The following FAM107B variants were observed in gnomAD, a reference collection of about 807,000 sequenced individuals.
The protein encoded by FAM107B is family with sequence similarity 107 member B, also known as protein FAM107B.
Under a neutral mutation model 31.5 loss-of-function variants are expected in FAM107B, and 21 were observed. The ratio of observed to expected loss-of-function variants is 0.67; its 90% CI spans 0.47 to 0.96. The LOEUF is 0.96. Among genes scored for constraint, FAM107B ranks in the 40% least tolerant of loss-of-function variants. FAM107B has a pLI of 0.00. For missense variants in FAM107B, 452 were observed against 377.1 expected, an observed-to-expected ratio of 1.20 and a Z score of -1.64; for synonymous variants, 157 against 141.5, an observed-to-expected ratio of 1.11 and a Z score of -0.78.
chr10:14,735,598 T>C (rs1856281088), intron 1 of FAM107B, among the ~76,000 whole-genome samples: 1 of 152,202 alleles, frequency 6.6e-6, no homozygotes. Context: ...TGCTTTAGAA[T>C]GACTCTAGGA....
chr10:14,548,994 T>C (rs1052378203), intron 2 of FAM107B, among the ~76,000 whole-genome samples: 1 of 152,128 alleles, frequency 6.6e-6, no homozygotes, highest in Non-Finnish European at 1.5e-5. Flanking sequence ...AGTGTCCTTA[T>C]AAGAAGAGGA....
At chr10:14,684,692 G>A (rs1854930036) in intron 1 of FAM107B, among the ~76,000 whole-genome samples, 1 of 152,128 alleles carries the variant, frequency 6.6e-6, no homozygotes, top group Non-Finnish European at 1.5e-5. Flanking sequence ...TCAAAACTGA[G>A]ACACACTTTT....
intron 2 of FAM107B, among the ~76,000 whole-genome samples, chr10:14,546,208 G>A (rs1212574164): frequency 6.6e-6 from 1 of 152,194 alleles, no homozygotes; most frequent in East Asian, 1.9e-4. Context: ...AAATGACTAA[G>A]TTAAGAGAGT....
intron 2 of FAM107B, chr10:14,654,021 G>C (rs918678150): frequency 6.6e-6 from 1 of 151,594 alleles, no homozygotes; most frequent in Admixed American, 6.6e-5. Context: ...TTCTTCTAAC[G>C]TCATAAGCCT....
At chr10:14,721,554 G>A (rs1382529193) in intron 1 of FAM107B, among the ~76,000 whole-genome samples, 1 of 152,118 alleles carries the variant, frequency 6.6e-6, no homozygotes, top group African/African-American at 2.4e-5. Context: ...GGTGTGAGAT[G>A]GTATCTCATT....
intron 2 of FAM107B, among the ~76,000 whole-genome samples, chr10:14,588,100 G>A (rs1385568956): frequency 2.0e-5 from 3 of 152,140 alleles, no homozygotes; most frequent in African/African-American, 7.2e-5. Flanking sequence ...AGTGCCTAAT[G>A]TCTGACAGCG....
At chr10:14,617,122 A>G (rs1170647774) in intron 2 of FAM107B, among the ~76,000 whole-genome samples, 4 of 152,056 alleles carry the variant, frequency 2.6e-5, no homozygotes, top group African/African-American at 9.7e-5. Flanking sequence ...AAAAGGAAAT[A>G]AAGAGGCTGG....
intron 2 of FAM107B, among the ~76,000 whole-genome samples, chr10:14,565,805 G>T (rs756551884): frequency 1.3e-5 from 2 of 152,188 alleles, no homozygotes; most frequent in Non-Finnish European, 2.9e-5. Flanking sequence ...ATAATCGAGC[G>T]AGAGAAGGAA....
At chr10:14,529,561 G>T (rs1846708035) in intron 3 of FAM107B, 1 of 151,998 alleles carries the variant, frequency 6.6e-6, no homozygotes, top group South Asian at 2.1e-4. Context: ...TTTCACCAGG[G>T]CTTAGCAAAG....
chr10:14,708,802 C>A (rs1308213664), intron 1 of FAM107B, among the ~76,000 whole-genome samples: 2 of 152,052 alleles, frequency 1.3e-5, no homozygotes, highest in Non-Finnish European at 2.9e-5. Flanking sequence ...AAACAAACAA[C>A]CCAACTTAAA....
chr10:14,548,560 C>G, intron 2 of FAM107B: 3 of 985,426 alleles, frequency 3.0e-6, no homozygotes, highest in Non-Finnish European at 3.6e-6. Context: ...TTCTCCTAGC[C>G]CTGCCTCAGC....
intron 2 of FAM107B, among the ~76,000 whole-genome samples, chr10:14,557,445 G>T (rs1255621136): frequency 6.6e-6 from 1 of 152,158 alleles, no homozygotes; most frequent in Non-Finnish European, 1.5e-5. Context: ...CTGTTCACTG[G>T]TATTGGGCAT....
intron 2 of FAM107B, among the ~76,000 whole-genome samples, chr10:14,642,752 C>T (rs1432796033): frequency 6.6e-6 from 1 of 152,200 alleles, no homozygotes; most frequent in Admixed American, 6.5e-5. Flanking sequence ...CAAGCCACTC[C>T]TTCAACACTT....
At position 14,582,693 on chromosome 10, in the gene FAM107B, C is replaced by T. The variant is rs12412875; in HGVS notation, c.470-52178G>A. On this transcript the variant is annotated intron_variant, in intron 2 of 4. Transcript: ENST00000181796. ...CACCCAGCCTACCCACATGTTTTAA[C>T]GTTGTACTGAGTACTTATTCCATGG... Among the ~76,000 whole-genome samples, 1,049 of 149,958 alleles carry T rather than the reference C, an allele frequency of 7.0e-3. 35 individuals carry two copies. The highest frequency in any genetic ancestry group is 0.064 in the Admixed American group (960 of 15,052).
At chr10:14,702,242 G>C (rs1307614370) in intron 1 of FAM107B, among the ~76,000 whole-genome samples, 1 of 152,164 alleles carries the variant, frequency 6.6e-6, no homozygotes, top group Admixed American at 6.5e-5. Context: ...CTCCATCTTA[G>C]GCTCAGCATT....
intron 2 of FAM107B, among the ~76,000 whole-genome samples, chr10:14,543,348 C>A (rs1848402030): frequency 6.6e-6 from 1 of 152,134 alleles, no homozygotes; most frequent in Non-Finnish European, 1.5e-5. Context: ...AAAAACATGA[C>A]TGGCACAGAA....
chr10:14,632,056 G>C (rs564285002), intron 2 of FAM107B, among the ~76,000 whole-genome samples: 35 of 152,194 alleles, frequency 2.3e-4, no homozygotes, highest in African/African-American at 8.4e-4. Flanking sequence ...CCAGCACTTT[G>C]GGAGGCCAGG....
chr10:14,645,866 A>G (rs1220083433), intron 2 of FAM107B, among the ~76,000 whole-genome samples: 1 of 152,244 alleles, frequency 6.6e-6, no homozygotes, highest in African/African-American at 2.4e-5. Context: ...GTGGAAATGA[A>G]TATCATGACA....
chr10:14,576,567 A>G (rs1851473474), intron 2 of FAM107B, among the ~76,000 whole-genome samples: 1 of 151,352 alleles, frequency 6.6e-6, no homozygotes, highest in South Asian at 2.1e-4. Context: ...CCACTGAGTT[A>G]GAAAGCAGTG....
Sources: gnomAD v4.1 joint callset for allele counts (sites outside exome capture counted in the v4.1 genomes callset) on GRCh38, gnomAD v4.1.1 for gene constraint, MANE v1.5 for transcripts, NCBI Gene and HGNC (gene_info 2026-07-23, HGNC 2026-07-21) for gene names.